Variants in SYTL5 observed in about 807,000 individuals in gnomAD.
The protein encoded by SYTL5 is synaptotagmin-like protein 5.
SYTL5 carries 34 observed loss-of-function variants against 55.9 expected under a neutral mutation model. The ratio of observed to expected loss-of-function variants is 0.61; its 90% CI spans 0.46 to 0.81. The LOEUF is 0.81. SYTL5 is among the 30% of genes least tolerant of loss of function. The pLI is 0.00. For missense variants in SYTL5, 637 were observed against 546.7 expected (o/e 1.17, Z -1.65); for synonymous variants, 221 against 188.7 (o/e 1.17, Z -1.40).
chrX:37,912,536 A>G, the SYTL5 span, among the ~76,000 whole-genome samples: 2 of 111,470 alleles, frequency 1.8e-5, no homozygotes, highest in African/African-American at 6.5e-5. Context: ...GTGAGTCAGC[A>G]CCCAACACCC....
chrX:38,094,432 T>A lies in SYTL5; in HGVS notation c.961+8T>A, dbSNP rs1479288711. The A allele has an allele frequency of 2.5e-6, 3 of 1,187,581 alleles. No homozygotes were observed. Among genetic ancestry groups the A allele is most frequent in the Non-Finnish European group, 2.3e-6 (2 of 879,411 alleles). On this transcript the variant is annotated splice_region_variant and intron_variant, in intron 8 of 16. Transcript: ENST00000297875. ...GAACCTCTCTCTCCTCAGGTGGGTA[T>A]TTACAATGTGCCTACTTTGTTGTTT...
the SYTL5 span, among the ~76,000 whole-genome samples, chrX:37,977,742 A>G: frequency 1.9e-5 from 2 of 106,691 alleles, no homozygotes; most frequent in Non-Finnish European, 3.9e-5. Context: ...ACACACACAC[A>G]CACACGAAGA....
At chrX:37,992,357 G>T in the SYTL5 span, among the ~76,000 whole-genome samples, 1 of 112,995 alleles carries the variant, frequency 8.8e-6, no homozygotes, top group African/African-American at 3.2e-5. Flanking sequence ...ACAGTCTGCT[G>T]CCTGCTGGCC....
At chrX:38,092,462 G>C (rs1249908853) in intron 7 of SYTL5, among the ~76,000 whole-genome samples, 1 of 111,715 alleles carries the variant, frequency 9.0e-6, no homozygotes, top group Non-Finnish European at 1.9e-5. Flanking sequence ...AAGTCACAGA[G>C]TCTAAAGGCT....
chrX:38,109,777 C>CA (rs772659753), intron 12 of SYTL5, among the ~76,000 whole-genome samples: 85 of 109,083 alleles, frequency 7.8e-4, no homozygotes, highest in African/African-American at 2.0e-3. Context: ...TTACAAAAAA[C>CA]AAAAAAAATG....
At chrX:38,102,910 G>T in intron 10 of SYTL5, 3 of 502,398 alleles carry the variant, frequency 6.0e-6, no homozygotes, top group East Asian at 3.8e-5. Context: ...GGCCTTTTTT[G>T]AGAGGAAGGC....
chrX:37,908,582 T>C, the SYTL5 span, among the ~76,000 whole-genome samples: 6 of 111,765 alleles, frequency 5.4e-5, no homozygotes, highest in Non-Finnish European at 1.1e-4. Flanking sequence ...ATCGTATCAA[T>C]GTTCTGGCCA....
At chrX:37,944,645 C>A in the SYTL5 span, among the ~76,000 whole-genome samples, 1 of 111,879 alleles carries the variant, frequency 8.9e-6, no homozygotes. Flanking sequence ...GTTAACACCT[C>A]CAGAGACAAT....
chrX:37,959,825 C>T, the SYTL5 span, among the ~76,000 whole-genome samples: 2 of 111,922 alleles, frequency 1.8e-5, no homozygotes, highest in Non-Finnish European at 3.8e-5. Flanking sequence ...TAGCGGCTCT[C>T]TGCTGTGGCT....
chrX:38,124,917 G>C (rs1395883043), intron 15 of SYTL5, among the ~76,000 whole-genome samples: 1 of 111,724 alleles, frequency 9.0e-6, no homozygotes, highest in Non-Finnish European at 1.9e-5. Flanking sequence ...TCCTTAATTA[G>C]AGGAATTTAT....
chrX:38,082,255 A>G (rs962604879), intron 6 of SYTL5, among the ~76,000 whole-genome samples: 1 of 111,313 alleles, frequency 9.0e-6, no homozygotes, highest in African/African-American at 3.3e-5. Flanking sequence ...GGCATGCTCT[A>G]TTTCTATGAA....
chrX:37,991,159 TTG>T, the SYTL5 span: 1 of 1,210,484 alleles, frequency 8.3e-7, no homozygotes, highest in Non-Finnish European at 1.1e-6. Flanking sequence ...CGCTTTTTGT[TTG>T]ATGAGATGCC....
the SYTL5 span, among the ~76,000 whole-genome samples, chrX:37,984,963 G>A: frequency 8.9e-5 from 10 of 112,030 alleles, no homozygotes; most frequent in Admixed American, 5.7e-4. Context: ...GCTAGAAATA[G>A]AAAGGAACTT....
chrX:38,031,000 G>A (rs1934936604), intron 1 of SYTL5, among the ~76,000 whole-genome samples: 1 of 111,156 alleles, frequency 9.0e-6, no homozygotes, highest in African/African-American at 3.3e-5. Context: ...TTTTTTTTAG[G>A]GACCTGCAGC....
At chrX:38,057,550 T>C (rs1935826779) in intron 3 of SYTL5, among the ~76,000 whole-genome samples, 2 of 111,867 alleles carry the variant, frequency 1.8e-5, no homozygotes, top group South Asian at 3.7e-4. Context: ...AAAAATGTAA[T>C]TGGTATCTTA....
intron 2 of SYTL5, among the ~76,000 whole-genome samples, chrX:38,044,699 A>T (rs1323697596): frequency 1.8e-5 from 2 of 111,611 alleles, no homozygotes; most frequent in Non-Finnish European, 3.8e-5. Context: ...TGCTGTACTG[A>T]TTCTATCTCC....
At chrX:37,932,249 A>G in the SYTL5 span, among the ~76,000 whole-genome samples, 2 of 111,482 alleles carry the variant, frequency 1.8e-5, no homozygotes, top group Non-Finnish European at 3.8e-5. Context: ...GCGAGGAGAC[A>G]TTATTTACTG....
At position 38,055,066 on chromosome X, in the gene SYTL5, C is replaced by T. The variant is rs1027902275; in HGVS notation, c.329+644C>T. 6.3e-5 allele frequency among the ~76,000 whole-genome samples: 7 copies of T among 111,668 alleles called. No homozygotes were observed. In the Admixed American group the frequency reaches 6.6e-4, roughly 11 times the overall value. On this transcript the variant is annotated intron_variant, in intron 3 of 16. Coordinates refer to ENST00000297875, the MANE Select transcript of SYTL5 (RefSeq NM_138780.3). ...CCCTGAGCATCCTTGTCTCAGGGCCCCTCTTGGCTTCACGTGGCTCCTCAG... is the reference window on the plus strand; with the variant it reads ...CCCTGAGCATCCTTGTCTCAGGGCCTCTCTTGGCTTCACGTGGCTCCTCAG...
the SYTL5 span, among the ~76,000 whole-genome samples, chrX:37,917,380 T>C: frequency 8.9e-6 from 1 of 112,011 alleles, no homozygotes; most frequent in East Asian, 2.8e-4. Flanking sequence ...AATTTATTTG[T>C]ATTTGTATGG....
Sources: gnomAD v4.1 joint callset for allele counts (sites outside exome capture counted in the v4.1 genomes callset) on GRCh38, gnomAD v4.1.1 for gene constraint, MANE v1.5 for transcripts, NCBI Gene and HGNC (gene_info 2026-07-23, HGNC 2026-07-21) for gene names.